Variants in CES2 observed in about 807,000 individuals in gnomAD.
CES2 encodes carboxylesterase 2.
CES2 carries 42 observed loss-of-function variants against 52.1 expected under a neutral mutation model. The observed-to-expected ratio is 0.81, with a 90% CI of 0.63 to 1.04. The LOEUF (loss-of-function observed/expected upper bound fraction) is 1.04, where lower values mean the gene tolerates loss of function less well. Ranked by LOEUF, CES2 falls within the 50% of genes least tolerant of loss-of-function variation. CES2 has a pLI of 0.00. For synonymous variants in CES2, 277 were observed against 289.6 expected (o/e 0.96, Z 0.44); for missense variants, 656 against 724.3 (o/e 0.91, Z 1.08).
At position 66,943,319 on chromosome 16, in the gene CES2, G is replaced by T. The variant is rs1235192248; in HGVS notation, c.1441G>T (p.Glu481Ter). ...GNYIKFTEEE[E>*]QLSRKMMKYW... is the part of the protein sequence containing the mutation. Reference sequence around the variant, plus strand: ...GGCAGTTAAATTCACTGAGGAAGAGGAGCAGCTAAGCAGGAAGATGATGAA... The same window carrying T: ...GGCAGTTAAATTCACTGAGGAAGAGTAGCAGCTAAGCAGGAAGATGATGAA... Residue 481 changes from glutamate to a stop codon, truncating the protein, a stop_gained, in exon 11 of 12, where the codon GAG becomes TAG. Coordinates refer to ENST00000317091, the MANE Select transcript of CES2 (RefSeq NM_001365405.1). LOFTEE classifies it high-confidence loss of function. The surrounding 1 kb of genome is among the most constrained non-coding windows in gnomAD (Gnocchi z 4.2). 1 of 1,614,134 alleles carries T rather than the reference G, an allele frequency of 6.2e-7. No homozygotes were observed. The highest frequency in any genetic ancestry group is 2.2e-5 in the East Asian group (1 of 44,884).
In CES2 at chr16:66,939,353, C is replaced by T. The variant is rs764335978; in HGVS notation, c.418C>T (p.Leu140=). 150 of 1,614,018 alleles carry T rather than the reference C, an allele frequency of 9.3e-5. No individual in the cohort carries two copies. Among genetic ancestry groups the T allele is most frequent in the Non-Finnish European group, 1.2e-4 (140 of 1,180,020 alleles). The part of the protein sequence containing the change: ...TPAHSHEGSN[L]PVMVWIHGGA... ...GGCCCATAGCCATGAAGGCTCTAACCTGCCGGTGGGTGTCAGGCCACAGTT... is the reference window on the plus strand; with the variant it reads ...GGCCCATAGCCATGAAGGCTCTAACTTGCCGGTGGGTGTCAGGCCACAGTT... Residue 140 remains leucine, a synonymous_variant, in exon 3 of 12, where the codon CTG becomes TTG. Transcript: ENST00000317091.
rs1448417690 is a variant in CES2 at position 66,942,133 on chromosome 16, T to C, written c.1166T>C (p.Leu389Pro). ...TTGCCTCCTACATTTGGTGACCTGC[T>C]GAGGGAGGAGTACATTGGGGACAAT... ...LMLPPTFGDL[L>P]REEYIGDNGD... Residue 389 changes from leucine (L) to proline (P), a missense_variant, in exon 9 of 12, where the codon CTG becomes CCG. By Grantham distance (98) the Leu-to-Pro change is moderately conservative. Coordinates refer to ENST00000317091, the MANE Select transcript of CES2 (RefSeq NM_001365405.1). The C allele has an allele frequency of 6.2e-7, 1 of 1,611,898 alleles. No individual in the cohort carries two copies. Among genetic ancestry groups the C allele is most frequent in the Non-Finnish European group, 8.5e-7 (1 of 1,178,244 alleles).
chr16:66,940,369 T>A lies in CES2; in HGVS notation c.557+14T>A. On this transcript the variant is annotated intron_variant, in intron 4 of 11. Transcript: ENST00000317091. ...GGGCTTCTTCAGGTGAGACTAGGGC[T>A]GGGCTGGGCAACCCGGGCTGAGCGG... 1 of 1,614,188 alleles carries A rather than the reference T, an allele frequency of 6.2e-7. No homozygotes were observed. The highest frequency in any genetic ancestry group is 8.5e-7 in the Non-Finnish European group (1 of 1,180,020).
chr16:66,943,974 C>G lies in CES2; in HGVS notation c.1629C>G (p.Pro543=). 6.3e-7 allele frequency: 1 copy of G among 1,597,550 alleles called. No homozygotes were observed. Among genetic ancestry groups the G allele is most frequent in the South Asian group, 1.1e-5 (1 of 89,250 alleles). ...HRLQFWKKAL[P]QKIQELEEPE... is the part of the protein sequence containing the mutation. ...TCCAGTTCTGGAAGAAGGCGCTGCC[C>G]CAAAAGATCCAGGAGCTCGAGGAGC... is the stretch of plus-strand genomic sequence containing the variant. The change falls in exon 12 of 12, where the codon CCC becomes CCG. Residue 543 remains proline (P), a synonymous_variant. Coordinates refer to ENST00000317091, the MANE Select transcript of CES2 (RefSeq NM_001365405.1). This position sits in a 1 kb window ranked among gnomAD's most constrained non-coding sequence, Gnocchi z 4.2.
chr16:66,940,578 TG>T lies in CES2; in HGVS notation c.700del (p.Val234CysfsTer76). ...TTGGCGAGTCTGCGGGTGGCACGAG[TG>T]TGTCTTCGCTTGTTGTGTCCCCCAT... ...IFGESAGGTS[V>X]SSLVVSPISQ... On this transcript the variant is annotated frameshift_variant, in exon 5 of 12. Transcript: ENST00000317091. LOFTEE classifies it high-confidence loss of function. The T allele has an allele frequency of 6.2e-7, 1 of 1,614,156 alleles. No individual in the cohort carries two copies. The highest frequency in any genetic ancestry group is 8.5e-7 in the Non-Finnish European group (1 of 1,180,020).
Position 66,938,136 on chromosome 16 carries a change from T to C in CES2, c.176T>C (p.Leu59Pro). 1.2e-6 allele frequency: 2 copies of C among 1,614,174 alleles called. No homozygotes were observed. Among genetic ancestry groups the C allele is most frequent in the South Asian group, 2.2e-5 (2 of 91,088 alleles). The change falls in exon 2 of 12, where the codon CTG (leucine) becomes CCG (proline). Residue 59 changes from leucine to proline, a missense_variant. Physicochemically the swap from Leu to Pro is moderately conservative, Grantham distance 98. Transcript: ENST00000317091. ...GCCAATGCCGGGGTCCAAACCTTCCTGGGAATTCCATTTGCCAAGCCACCT... is the reference window on the plus strand; with the variant it reads ...GCCAATGCCGGGGTCCAAACCTTCCCGGGAATTCCATTTGCCAAGCCACCT... ...KGANAGVQTF[L>P]GIPFAKPPLG...
Position 66,936,042 on chromosome 16 carries a change from A to T in CES2, c.76+331A>T, listed in dbSNP as rs772469119. On this transcript the variant is annotated intron_variant, in intron 1 of 11. Coordinates refer to ENST00000317091, the MANE Select transcript of CES2 (RefSeq NM_001365405.1). ...TGGGGATTCAGTCCATTTCCCTCTTATGATTGTGGCTGTAGCGGGTGCTGC... is the reference window on the plus strand; with the variant it reads ...TGGGGATTCAGTCCATTTCCCTCTTTTGATTGTGGCTGTAGCGGGTGCTGC... 1.1e-5 allele frequency: 14 copies of T among 1,257,580 alleles called. No homozygotes were observed. The East Asian group carries it at 4.7e-4, about 43-fold the overall frequency. 77.9% of individuals were successfully genotyped at this position (1,257,580 alleles called of 1,614,324 possible).
rs1963262403 is a variant in CES2 at position 66,938,146 on chromosome 16, AT to A, written c.189del (p.Phe63LeufsTer6). The A allele has an allele frequency of 1.2e-6, 2 of 1,613,968 alleles. No homozygotes were observed. The highest frequency in any genetic ancestry group is 1.7e-6 in the Non-Finnish European group (2 of 1,179,992). On this transcript the variant is annotated frameshift_variant, in exon 2 of 12. Coordinates refer to ENST00000317091, the MANE Select transcript of CES2 (RefSeq NM_001365405.1). LOFTEE classifies it high-confidence loss of function. Reference sequence around the variant, plus strand: ...GGGTCCAAACCTTCCTGGGAATTCCATTTGCCAAGCCACCTCTAGGTCCGCT... The same window carrying A: ...GGGTCCAAACCTTCCTGGGAATTCCATTGCCAAGCCACCTCTAGGTCCGCT... ...AGVQTFLGIPFAKPPLGPLRF... is the reference protein window; with the variant it reads ...AGVQTFLGIPXAKPPLGPLRF...
rs72547531 is a variant in CES2 at position 66,938,060 on chromosome 16, C to T, written c.100C>T (p.Arg34Trp). Reference sequence around the variant, plus strand: ...AGGCCAGGACTCAGCCAGTCCCATCCGGACCACACACACGGGGCAGGTGCT... The same window carrying T: ...AGGCCAGGACTCAGCCAGTCCCATCTGGACCACACACACGGGGCAGGTGCT... ...GQGQDSASPI[R>W]TTHTGQVLGS... The change falls in exon 2 of 12, where the codon CGG (arginine) becomes TGG (tryptophan). Residue 34 changes from arginine (R) to tryptophan (W), a missense_variant. Arg to Trp is a moderately radical substitution (Grantham distance 101). Coordinates refer to ENST00000317091, the MANE Select transcript of CES2 (RefSeq NM_001365405.1). The T allele has an allele frequency of 1.1e-4, 174 of 1,614,062 alleles. No individual in the cohort carries two copies. The highest frequency in any genetic ancestry group is 2.5e-4 in the African/African-American group (19 of 74,922).
chr16:66,935,978 T>A, intron 1 of CES2: 1 of 1,392,912 alleles, frequency 7.2e-7, no homozygotes, highest in Non-Finnish European at 9.3e-7. Context: ...CCAGGCCGGG[T>A]AGGCAGCCTG....
Position 66,938,065 on chromosome 16 carries a change from C to A in CES2, c.105C>A (p.Thr35=), listed in dbSNP as rs767355378. The A allele has an allele frequency of 2.5e-6, 4 of 1,614,174 alleles. No individual in the cohort carries two copies. Among genetic ancestry groups the A allele is most frequent in the Non-Finnish European group, 3.4e-6 (4 of 1,180,004 alleles). Residue 35 remains threonine (T), a synonymous_variant, in exon 2 of 12, where the codon ACC becomes ACA. Coordinates refer to ENST00000317091, the MANE Select transcript of CES2 (RefSeq NM_001365405.1). The part of the protein sequence containing the change: ...QGQDSASPIR[T]THTGQVLGSL... ...AGGACTCAGCCAGTCCCATCCGGAC[C>A]ACACACACGGGGCAGGTGCTGGGGA...
rs11863141 is a variant in CES2 at position 66,935,689 on chromosome 16, G to T, written c.54G>T (p.Leu18=). 6.2e-7 allele frequency: 1 copy of T among 1,601,218 alleles called. No homozygotes were observed. Among genetic ancestry groups the T allele is most frequent in the Non-Finnish European group, 8.5e-7 (1 of 1,179,838 alleles). Reference sequence around the variant, plus strand: ...TGAGCGCGGTGGCCTGTGGGCTTCTGCTGCTTCTTGTCCGGGGCCAGGGTG... The same window carrying T: ...TGAGCGCGGTGGCCTGTGGGCTTCTTCTGCTTCTTGTCCGGGGCCAGGGTG... ...ARLSAVACGL[L]LLLVRGQGQD... The change falls in exon 1 of 12, where the codon CTG becomes CTT. Residue 18 remains leucine (L), a synonymous_variant. Coordinates refer to ENST00000317091, the MANE Select transcript of CES2 (RefSeq NM_001365405.1).
chr16:66,937,878 G>A (rs924005841), intron 1 of CES2, among the ~76,000 whole-genome samples, 159 bp from the exon 2 acceptor site: 1 of 152,192 alleles, frequency 6.6e-6, no homozygotes, highest in African/African-American at 2.4e-5. Context: ...AAGCCAGAGC[G>A]GGAAGGGAGT....
rs1476495373 is a variant in CES2, at chr16:66,935,702, C to T, written c.67C>T (p.Arg23Trp). ...VACGLLLLLV[R>W]GQGQDSASPI... ...CTGTGGGCTTCTGCTGCTTCTTGTC[C>T]GGGGCCAGGGTGAGGCTCCCTCGGA... The change falls in exon 1 of 12, where the codon CGG becomes TGG. Residue 23 changes from arginine to tryptophan, a missense_variant. Transcript: ENST00000317091. 6.2e-7 allele frequency: 1 copy of T among 1,600,464 alleles called. No homozygotes were observed. The highest frequency in any genetic ancestry group is 8.5e-7 in the Non-Finnish European group (1 of 1,179,818).
chr16:66,941,282 C>A, intron 6 of CES2, 60 bp downstream of exon 6: 1 of 1,591,006 alleles, frequency 6.3e-7, no homozygotes. Flanking sequence ...GGCTGGCAGG[C>A]CTGCACGGCC....
At chr16:66,940,392 C>T (rs762723950) in intron 4 of CES2, 37 bp downstream of exon 4, 10 of 1,613,862 alleles carry the variant, frequency 6.2e-6, no homozygotes, top group Non-Finnish European at 7.6e-6. Context: ...CCGGGCTGAG[C>T]GGGGCCAGGA....
At chr16:66,940,793 G>T in intron 5 of CES2, 98 bp downstream of exon 5, 1 of 1,432,422 alleles carries the variant, frequency 7.0e-7, no homozygotes, top group Non-Finnish European at 9.3e-7. Flanking sequence ...GCCATCGGGA[G>T]CATGCTCCAG....
chr16:66,938,765 G>A (rs1440828853), intron 2 of CES2, among the ~76,000 whole-genome samples: 1 of 152,196 alleles, frequency 6.6e-6, no homozygotes, highest in Non-Finnish European at 1.5e-5. Context: ...AGGCCATGTA[G>A]GAATGATGAG....
chr16:66,935,977 G>A (rs2145497280), intron 1 of CES2: 2 of 1,397,434 alleles, frequency 1.4e-6, no homozygotes, highest in East Asian at 5.5e-5. Context: ...GCCAGGCCGG[G>A]TAGGCAGCCT....
Sources: allele counts gnomAD v4.1 joint callset (sites outside exome capture counted in the v4.1 genomes callset), GRCh38; gene constraint gnomAD v4.1.1; non-coding constraint Gnocchi (gnomAD v3.1); transcripts MANE v1.5; gene names NCBI Gene and HGNC (gene_info 2026-07-23, HGNC 2026-07-21).